Variants in PODNL1 observed in about 807,000 individuals in gnomAD.
The protein encoded by PODNL1 is podocan like 1.
PODNL1 carries 50 observed loss-of-function variants against 45.1 expected under a neutral mutation model. That is an observed-to-expected ratio of 1.11 (90% CI 0.88 to 1.40). The LOEUF is 1.40. PODNL1 is among the 40% of genes most tolerant of loss of function. The pLI, the probability that PODNL1 is intolerant of heterozygous loss-of-function variation, is 0.00. For missense variants in PODNL1, 788 were observed against 793.3 expected (o/e 0.99, Z 0.08); for synonymous variants, 406 against 372.5 (o/e 1.09, Z -1.04).
In PODNL1 at chr19:13,933,303, C is replaced by T. The variant is rs755885466; in HGVS notation, c.920G>A (p.Arg307His). ...CTGGTTGTGCTGCAGCAACAAATAG[C>T]GCAGACCACGCGCCCCGTGCAGCCG... ...AARLHGARGL[R>H]YLLLQHNQLG... is the part of the protein sequence containing the mutation. Residue 307 changes from arginine (R) to histidine (H), a missense_variant, in exon 8 of 10, where the codon CGC becomes CAC. Arg to His is a conservative substitution (Grantham distance 29, BLOSUM62 0). Transcript: ENST00000588872. The surrounding 1 kb of genome is among the most constrained non-coding windows in gnomAD (Gnocchi z 5.2). The T allele has an allele frequency of 5.7e-6, 9 of 1,585,560 alleles. 1 individual carries two copies. Among genetic ancestry groups the T allele is most frequent in the South Asian group, 5.6e-5 (5 of 88,716 alleles).
chr19:13,932,741 C>A, intron 8 of PODNL1, 57 bp downstream of exon 8: 1 of 1,611,490 alleles, frequency 6.2e-7, no homozygotes, highest in Non-Finnish European at 8.5e-7. Flanking sequence ...CGTGGCAGGG[C>A]AGGCAGGGGG....
intron 1 of PODNL1, among the ~76,000 whole-genome samples, chr19:13,949,906 G>A (rs1972944573): frequency 6.6e-6 from 1 of 151,850 alleles, no homozygotes; most frequent in East Asian, 1.9e-4. Context: ...TGTCACCCAG[G>A]CTGCAGTGCA....
chr19:13,932,465 G>A (rs987931510), intron 8 of PODNL1: 29 of 607,292 alleles, frequency 4.8e-5, no homozygotes, highest in Admixed American at 2.1e-4. Context: ...GGGCTCAAGC[G>A]ATCCTCCTGC....
In PODNL1 at chr19:13,933,865, A is replaced by G; in HGVS notation, c.767+13T>C. On this transcript the variant is annotated intron_variant, in intron 7 of 9. Transcript: ENST00000588872. This position sits in a 1 kb window ranked among gnomAD's most constrained non-coding sequence, Gnocchi z 5.2. ...AAATTCTCAGCCCCTGCTGCCCCCC[A>G]ACCAGCCTGTACCTGAAGGTGGTGG... The G allele has an allele frequency of 6.3e-7, 1 of 1,584,400 alleles. No homozygotes were observed. Among genetic ancestry groups the G allele is most frequent in the Non-Finnish European group, 8.6e-7 (1 of 1,165,322 alleles).
In PODNL1 at chr19:13,946,818, C is replaced by T. The variant is rs562753983; in HGVS notation, c.18+6301G>A. Among the ~76,000 whole-genome samples, 50 of 151,870 alleles carry T rather than the reference C, an allele frequency of 3.3e-4. 1 individual carries two copies. The highest frequency in any genetic ancestry group is 1.4e-3 in the Admixed American group (21 of 15,214). On this transcript the variant is annotated intron_variant, in intron 1 of 7. Transcript: ENST00000538371. ...CTGTAATTCCAGCACTTTGGGAGGC[C>T]GAGGTGGGCGGATCACGAGGTCAGG...
In PODNL1 at chr19:13,952,329, G is replaced by A. The variant is rs543618492; in HGVS notation, c.18+790C>T. On this transcript the variant is annotated intron_variant, in intron 1 of 7. Coordinates refer to the PODNL1 transcript ENST00000538371. ...TAAGGCGGGGCGGGAATACGGCAAC[G>A]GGCCGCGGGGGCTGTTACTGTCGCT... Among the ~76,000 whole-genome samples the A allele has an allele frequency of 3.9e-5, 6 of 152,318 alleles. No individual in the cohort carries two copies. In the South Asian group the frequency reaches 1.0e-3, roughly 26 times the overall value.
chr19:13,935,700 C>T lies in PODNL1; in HGVS notation c.494+21G>A. The T allele has an allele frequency of 2.7e-6, 4 of 1,505,836 alleles. No individual in the cohort carries two copies. In the East Asian group the frequency reaches 9.2e-5, roughly 35 times the overall value. 93.3% of individuals were successfully genotyped at this position (1,505,836 alleles called of 1,614,324 possible). A position where few individuals can be genotyped will look rare whatever the true frequency, so the allele number is the denominator to read the frequency against. On this transcript the variant is annotated intron_variant, in intron 5 of 9. Coordinates refer to ENST00000588872, the MANE Select transcript of PODNL1 (RefSeq NM_001370095.3). ...ACAGATGTATCTGAGGCCTGGGGGC[C>T]TGGGCTGGGCCAGGGTCTACCTGAG...
chr19:13,948,268 G>A (rs1478919981), intron 1 of PODNL1, among the ~76,000 whole-genome samples: 3 of 149,752 alleles, frequency 2.0e-5, no homozygotes, highest in Non-Finnish European at 4.4e-5. Flanking sequence ...GCGCAATCTC[G>A]GCTCACTGCA....
rs765517259 is a variant in PODNL1 at position 13,937,966 on chromosome 19, G to A, written c.44C>T (p.Pro15Leu). Reference sequence around the variant, plus strand: ...AGCGTCTTCCAAGCCGGCGACGGGCGGGGGCCCCGGCAACAGCAGGAGCAG... The same window carrying A: ...AGCGTCTTCCAAGCCGGCGACGGGCAGGGGCCCCGGCAACAGCAGGAGCAG... The part of the protein sequence containing the change: ...LLLLLLLPGP[P>L]PVAGLEDAAF... The change falls in exon 2 of 10, where the codon CCG (proline) becomes CTG (leucine). Residue 15 changes from proline (P) to leucine (L), a missense_variant. Pro to Leu is a moderately conservative substitution (Grantham distance 98). Coordinates refer to ENST00000588872, the MANE Select transcript of PODNL1 (RefSeq NM_001370095.3). The A allele has an allele frequency of 1.2e-5, 19 of 1,540,016 alleles. No individual in the cohort carries two copies. The highest frequency in any genetic ancestry group is 4.9e-5 in the East Asian group (2 of 40,732).
At chr19:13,936,132 G>A (rs1466005644) in intron 3 of PODNL1, 88 bp from the exon 4 acceptor site, 3 of 1,245,800 alleles carry the variant, frequency 2.4e-6, no homozygotes, top group Non-Finnish European at 2.3e-6. Context: ...AGGACTCTCG[G>A]CCGGGGAACT....
chr19:13,952,434 C>G, intron 1 of PODNL1: 1 of 1,241,236 alleles, frequency 8.1e-7, no homozygotes, highest in Non-Finnish European at 1.0e-6. Context: ...GGCCGCTGTC[C>G]CGAAAAAGGA....
chr19:13,952,387 AG>A, intron 1 of PODNL1: 1 of 1,178,288 alleles, frequency 8.5e-7, no homozygotes, highest in Non-Finnish European at 1.1e-6. Context: ...TTTGATGGAC[AG>A]GCATAGCGCG....
In PODNL1 at chr19:13,937,941, A is replaced by G; in HGVS notation, c.69T>C (p.Ala23=). ...AGCTCTCCCCCAGGTGGGGGAAGGC[A>G]GCGTCTTCCAAGCCGGCGACGGGCG... The part of the protein sequence containing the change: ...GPPPVAGLED[A]AFPHLGESLQ... The change falls in exon 2 of 10, where the codon GCT becomes GCC. Residue 23 remains alanine, a synonymous_variant. Transcript: ENST00000588872. 4 of 1,548,392 alleles carry G rather than the reference A, an allele frequency of 2.6e-6. No individual in the cohort carries two copies. The highest frequency in any genetic ancestry group is 3.5e-6 in the Non-Finnish European group (4 of 1,144,666).
rs1972351355 is a variant in PODNL1, at chr19:13,936,375, G to A, written c.311C>T (p.Ser104Phe). 5 of 1,612,068 alleles carry A rather than the reference G, an allele frequency of 3.1e-6. No homozygotes were observed. The highest frequency in any genetic ancestry group is 4.2e-6 in the Non-Finnish European group (5 of 1,178,294). ...RTLNLHNNLI[S>F]SEGLPDEAFE... ...TCCCTCTGCCCCCTCACCTTCGGAG[G>A]AGATGAGGTTGTTGTGGAGGTTGAG... The change falls in exon 3 of 10, where the codon TCC becomes TTC. Residue 104 changes from serine (S) to phenylalanine (F), a missense_variant. By Grantham distance (155) the Ser-to-Phe change is radical. Transcript: ENST00000588872.
At chr19:13,935,933 G>T (rs1278754099) in intron 4 of PODNL1, 47 bp downstream of exon 4, 4 of 1,544,938 alleles carry the variant, frequency 2.6e-6, no homozygotes, top group Admixed American at 2.0e-5. Context: ...AGTGACTGAA[G>T]CTGCACCCTC....
Position 13,934,353 on chromosome 19 carries a change from G to A in PODNL1, c.552C>T (p.Phe184=). 1 of 1,556,156 alleles carries A rather than the reference G, an allele frequency of 6.4e-7. No individual in the cohort carries two copies. Among genetic ancestry groups the A allele is most frequent in the Non-Finnish European group, 8.7e-7 (1 of 1,153,668 alleles). Residue 184 remains phenylalanine (F), a synonymous_variant, in exon 6 of 10, where the codon TTC becomes TTT. Coordinates refer to ENST00000588872, the MANE Select transcript of PODNL1 (RefSeq NM_001370095.3). ...GGGTGGCGATGGCCTCGGAGCCGCG[G>A]AAGGCGTCGGGGGGCAGGCCAGCGT... ...LSNAGLPPDA[F]RGSEAIATLS... is the part of the protein sequence containing the mutation.
chr19:13,931,533 T>C lies in PODNL1; in HGVS notation c.*204A>G. 2.2e-6 allele frequency: 1 copy of C among 463,550 alleles called. No homozygotes were observed. The highest frequency in any genetic ancestry group is 1.2e-4 in the South Asian group (1 of 8,246). 28.7% of individuals were successfully genotyped at this position (463,550 alleles called of 1,614,324 possible). A position where few individuals can be genotyped will look rare whatever the true frequency, so the allele number is the denominator to read the frequency against. ...TCTGTGTTGGGAGTTTGGGGTAGGG[T>C]GTGTCCCGCCAGGCCGGCGTGGTCT... On this transcript the variant is annotated 3_prime_UTR_variant, in exon 10 of 10. Transcript: ENST00000588872.
At position 13,934,335 on chromosome 19, in the gene PODNL1, G is replaced by T; in HGVS notation, c.570C>A (p.Ile190=). ...PPDAFRGSEA[I]ATLSLSNNQL... is the part of the protein sequence containing the mutation. The stretch of plus-strand genomic sequence containing the variant: ...GGTTGTTGGAGAGGCTGAGGGTGGC[G>T]ATGGCCTCGGAGCCGCGGAAGGCGT... The change falls in exon 6 of 10, where the codon ATC becomes ATA. Residue 190 remains isoleucine, a synonymous_variant. Coordinates refer to ENST00000588872, the MANE Select transcript of PODNL1 (RefSeq NM_001370095.3). 1 of 1,554,778 alleles carries T rather than the reference G, an allele frequency of 6.4e-7. No individual in the cohort carries two copies. The highest frequency in any genetic ancestry group is 8.7e-7 in the Non-Finnish European group (1 of 1,154,606).
At chr19:13,935,308 G>A (rs1490082122) in intron 5 of PODNL1, among the ~76,000 whole-genome samples, 2 of 152,030 alleles carry the variant, frequency 1.3e-5, no homozygotes, top group East Asian at 1.9e-4. Context: ...AGCCCTCCAG[G>A]GCAAGGCATT....
Sources: gnomAD v4.1 joint callset for allele counts (sites outside exome capture counted in the v4.1 genomes callset) on GRCh38, gnomAD v4.1.1 for gene constraint, Gnocchi (gnomAD v3.1) non-coding constraint, MANE v1.5 for transcripts, NCBI Gene and HGNC (gene_info 2026-07-23, HGNC 2026-07-21) for gene names.